The following GNA14 variants were observed in gnomAD, a reference collection of about 807,000 sequenced individuals.
GNA14 encodes G protein subunit alpha 14, also known as guanine nucleotide-binding protein subunit alpha-14.
Under a neutral mutation model 42.0 loss-of-function variants are expected in GNA14, and 50 were observed. The ratio of observed to expected loss-of-function variants is 1.19; its 90% CI spans 0.95 to 1.51. GNA14 has a LOEUF of 1.51. Ranked by LOEUF, GNA14 falls within the 40% of genes most tolerant of loss-of-function variation. GNA14 has a pLI of 0.00. For synonymous variants in GNA14, 173 were observed against 163.1 expected (o/e 1.06, Z -0.46); for missense variants, 473 against 446.2 (o/e 1.06, Z -0.54).
chr9:77,493,026 A>AAAAAAATATATATATATAT (rs1554691641), intron 2 of GNA14, among the ~76,000 whole-genome samples: 1 of 51,714 alleles, frequency 1.9e-5, no homozygotes, highest in Non-Finnish European at 3.3e-5. Context: ...AAAAAAAAAA[A>AAAAAAATATATATATATAT]ATATATATAT....
In GNA14 at chr9:77,569,099, C is replaced by T. The variant is rs532237127; in HGVS notation, c.125-39846G>A. The stretch of plus-strand genomic sequence containing the variant: ...CTTCTCTTATTCTGTTAAAGAGCTC[C>T]GCCACCCCAGATGCATTTTAAACTG... On this transcript the variant is annotated intron_variant, in intron 1 of 6. Coordinates refer to ENST00000341700, the MANE Select transcript of GNA14 (RefSeq NM_004297.4). Among the ~76,000 whole-genome samples the T allele has an allele frequency of 1.1e-3, 173 of 151,888 alleles. 1 individual carries two copies. The highest frequency in any genetic ancestry group is 1.8e-3 in the Non-Finnish European group (125 of 67,950).
At chr9:77,495,797 C>T (rs923261358) in intron 2 of GNA14, among the ~76,000 whole-genome samples, 1 of 152,176 alleles carries the variant, frequency 6.6e-6, no homozygotes, top group Non-Finnish European at 1.5e-5. Context: ...ATACTAAGGG[C>T]TTCCATTGTT....
chr9:77,511,006 T>G (rs1460946730), intron 2 of GNA14, among the ~76,000 whole-genome samples: 4 of 151,554 alleles, frequency 2.6e-5, no homozygotes, highest in Non-Finnish European at 1.5e-5. Context: ...CCAGTTAGAG[T>G]TGGATCTCAA....
In GNA14 at chr9:77,584,161, G is replaced by C. The variant is rs150255615; in HGVS notation, c.125-54908C>G. ...TCCCATTCAGTTTACTGCCTAAACA[G>C]TGCCAAGAAACTGCGAAAGGTAACA... On this transcript the variant is annotated intron_variant, in intron 1 of 6. Transcript: ENST00000341700. Among the ~76,000 whole-genome samples the C allele has an allele frequency of 7.0e-3, 1,066 of 152,234 alleles. 17 individuals are homozygous for C. Among genetic ancestry groups the C allele is most frequent in the African/African-American group, 0.024 (1,008 of 41,542 alleles).
At chr9:77,487,975 T>A (rs974414432) in intron 2 of GNA14, among the ~76,000 whole-genome samples, 6 of 151,846 alleles carry the variant, frequency 4.0e-5, no homozygotes, top group Admixed American at 2.0e-4. Flanking sequence ...CCAGTTGACA[T>A]CACATTTGAT....
chr9:77,473,069 A>T (rs1836360124), intron 2 of GNA14, among the ~76,000 whole-genome samples: 1 of 152,242 alleles, frequency 6.6e-6, no homozygotes, highest in Non-Finnish European at 1.5e-5. Context: ...TTAGAACAGC[A>T]TCAAAGAGGA....
chr9:77,600,609 G>A (rs1285918257), intron 1 of GNA14, among the ~76,000 whole-genome samples: 1 of 152,196 alleles, frequency 6.6e-6, no homozygotes, highest in Non-Finnish European at 1.5e-5. Context: ...AGCAAGATGA[G>A]GAATGAGAGT....
At chr9:77,440,286 C>T (rs985936376) in intron 2 of GNA14, among the ~76,000 whole-genome samples, 4 of 152,224 alleles carry the variant, frequency 2.6e-5, no homozygotes, top group East Asian at 1.9e-4. Context: ...GCCGGTTTCA[C>T]GCAGGGATCC....
chr9:77,460,791 T>C (rs1014994206), intron 2 of GNA14, among the ~76,000 whole-genome samples: 4 of 152,098 alleles, frequency 2.6e-5, no homozygotes, highest in African/African-American at 7.2e-5. Flanking sequence ...AAGAACGAAG[T>C]GCATTATCAC....
At chr9:77,611,912 G>T (rs1479291230) in intron 1 of GNA14, among the ~76,000 whole-genome samples, 1 of 152,058 alleles carries the variant, frequency 6.6e-6, no homozygotes, top group African/African-American at 2.4e-5. Context: ...TCATGATCTA[G>T]AAGTTCCTAA....
chr9:77,570,274 A>C (rs1482423259), intron 1 of GNA14, among the ~76,000 whole-genome samples: 1 of 152,198 alleles, frequency 6.6e-6, no homozygotes, highest in Non-Finnish European at 1.5e-5. Flanking sequence ...TGTACAATTC[A>C]ATGGTTTTTA....
chr9:77,480,749 T>C (rs1836534917), intron 2 of GNA14, among the ~76,000 whole-genome samples: 2 of 152,224 alleles, frequency 1.3e-5, no homozygotes, highest in Non-Finnish European at 2.9e-5. Flanking sequence ...TATTCAGAGA[T>C]TCAACTTCCT....
chr9:77,469,901 T>TC (rs1387597325), intron 2 of GNA14, among the ~76,000 whole-genome samples: 3 of 152,162 alleles, frequency 2.0e-5, no homozygotes, highest in African/African-American at 7.2e-5. Flanking sequence ...AAGCCTCTGC[T>TC]CCTTTGGGAA....
chr9:77,459,018 A>T (rs1836058964), intron 2 of GNA14, among the ~76,000 whole-genome samples: 1 of 152,162 alleles, frequency 6.6e-6, no homozygotes, highest in African/African-American at 2.4e-5. Flanking sequence ...ATGATAAAAA[A>T]GTAAGGGACA....
chr9:77,431,024 T>TGTGTGTGTGTG (rs1554686110), intron 4 of GNA14, among the ~76,000 whole-genome samples: 8,820 of 101,372 alleles, frequency 0.087, 406 homozygotes, highest in East Asian at 0.19. Context: ...AAGTATACAT[T>TGTGTGTGTGTG]TGTGTGTGTG....
At chr9:77,532,699 A>G (rs1837547210) in intron 1 of GNA14, among the ~76,000 whole-genome samples, 2 of 152,142 alleles carry the variant, frequency 1.3e-5, no homozygotes, top group South Asian at 4.1e-4. Context: ...CTAACTACCT[A>G]TTAGAATATG....
chr9:77,641,078 A>G (rs1374221092), intron 1 of GNA14, among the ~76,000 whole-genome samples: 2 of 25,732 alleles, frequency 7.8e-5, no homozygotes, highest in Non-Finnish European at 1.2e-4. Flanking sequence ...AGGGGAGGGG[A>G]GGGGAGGGGA....
intron 1 of GNA14, among the ~76,000 whole-genome samples, chr9:77,644,437 CAAAAAAAAAAAAA>C (rs764737417): frequency 5.9e-4 from 20 of 34,012 alleles, no homozygotes; most frequent in African/African-American, 9.3e-4. Flanking sequence ...TAAAGAGTGT[CAAAAAAAAAAAAA>C]AAAAAAAAAA....
intron 1 of GNA14, among the ~76,000 whole-genome samples, chr9:77,618,600 ATATATATATATATATATATATTTTTT>A (rs1823863120): frequency 7.5e-5 from 1 of 13,418 alleles, no homozygotes; most frequent in African/African-American, 2.1e-4. Context: ...ATATATATAT[ATATATATATATATATATATATTTTTT>A]TTTTTTTTTT....
Sources: allele counts gnomAD v4.1 joint callset (sites outside exome capture counted in the v4.1 genomes callset), GRCh38; gene constraint gnomAD v4.1.1; transcripts MANE v1.5; gene names NCBI Gene and HGNC (gene_info 2026-07-23, HGNC 2026-07-21).